EIF4E2: variants seen among roughly 807,000 people sequenced by gnomAD.
EIF4E2 encodes the protein eukaryotic translation initiation factor 4E type 2.
A neutral mutation model predicts 34.2 loss-of-function variants in EIF4E2; 13 were observed. That is an observed-to-expected ratio of 0.38 (90% CI 0.25 to 0.60). The LOEUF (loss-of-function observed/expected upper bound fraction) is 0.60, where lower values mean the gene tolerates loss of function less well. EIF4E2 is among the 20% of genes least tolerant of loss of function. EIF4E2 has a pLI of 0.62. For missense variants in EIF4E2, 222 were observed against 315.1 expected, an observed-to-expected ratio of 0.70 and a Z score of 2.24; for synonymous variants, 100 against 106.6, an observed-to-expected ratio of 0.94 and a Z score of 0.38.
At position 232,568,977 on chromosome 2, in the gene EIF4E2, T is replaced by C. The variant is rs1559320411; in HGVS notation, c.698T>C (p.Leu233Pro). ...MPGRLGPQRL[L>P]FQNLWKPRLN... is the part of the protein sequence containing the mutation. ...GGCAGGCTGGGCCCCCAAAGGCTCC[T>C]TTTTCAAAACCTCTGGAAGCCGCGG... Residue 233 changes from leucine (L) to proline (P), a missense_variant, in exon 7 of 7, where the codon CTT becomes CCT. Leu to Pro is a moderately conservative substitution (Grantham distance 98, BLOSUM62 -3). Coordinates refer to ENST00000258416, the MANE Select transcript of EIF4E2 (RefSeq NM_004846.4). 6.2e-7 allele frequency: 1 copy of C among 1,614,106 alleles called. No homozygotes were observed. Among genetic ancestry groups the C allele is most frequent in the Non-Finnish European group, 8.5e-7 (1 of 1,180,048 alleles).
intron 4 of EIF4E2, among the ~76,000 whole-genome samples, 163 bp downstream of exon 4, chr2:232,564,514 G>C (rs950506792): frequency 6.6e-6 from 1 of 152,168 alleles, no homozygotes; most frequent in Non-Finnish European, 1.5e-5. Flanking sequence ...GCAGTGGCGC[G>C]ATCTCGGCTC....
At position 232,581,385 on chromosome 2, in the gene EIF4E2, A is replaced by C; in HGVS notation, c.*442A>C. The C allele has an allele frequency of 3.0e-6, 1 of 336,294 alleles. No individual in the cohort carries two copies. Among genetic ancestry groups the C allele is most frequent in the South Asian group, 2.4e-5 (1 of 42,228 alleles). 20.8% of individuals were successfully genotyped at this position (336,294 alleles called of 1,614,324 possible). A position where few individuals can be genotyped will look rare whatever the true frequency, so the allele number is the denominator to read the frequency against. Reference sequence around the variant, plus strand: ...TGTTGGAGAGTCCCAAAATAGCTGTAAATGCTCTCTTCTAGCTCTGCCATT... The same window carrying C: ...TGTTGGAGAGTCCCAAAATAGCTGTCAATGCTCTCTTCTAGCTCTGCCATT... On this transcript the variant is annotated 3_prime_UTR_variant, in exon 7 of 7. Coordinates refer to the EIF4E2 transcript ENST00000409098. This position sits in a 1 kb window ranked among gnomAD's most constrained non-coding sequence, Gnocchi z 5.2.
At chr2:232,577,267 A>G (rs940265001) in intron 6 of EIF4E2, among the ~76,000 whole-genome samples, 1 of 152,230 alleles carries the variant, frequency 6.6e-6, no homozygotes, top group African/African-American at 2.4e-5. Context: ...CTAATGGCCA[A>G]AGAATGTTCT....
chr2:232,574,260 C>T (rs1294763979), intron 6 of EIF4E2: 1 of 1,550,544 alleles, frequency 6.4e-7, no homozygotes, highest in Non-Finnish European at 8.7e-7. Context: ...TCTGGTTTGC[C>T]AGGGCCTGGG....
At chr2:232,576,064 C>T (rs548166028) in intron 6 of EIF4E2, among the ~76,000 whole-genome samples, 21 of 151,980 alleles carry the variant, frequency 1.4e-4, no homozygotes, top group East Asian at 7.8e-4. Context: ...ATTAGCTGGG[C>T]GTGGTGGCAC....
chr2:232,580,738 G>A (rs570745144), intron 6 of EIF4E2, among the ~76,000 whole-genome samples: 39 of 152,312 alleles, frequency 2.6e-4, no homozygotes, highest in African/African-American at 8.4e-4. Flanking sequence ...AAGGGACTTG[G>A]GAGGTGGGTT....
chr2:232,565,949 G>A (rs901155565), intron 4 of EIF4E2, among the ~76,000 whole-genome samples: 7 of 151,278 alleles, frequency 4.6e-5, no homozygotes, highest in East Asian at 2.0e-4. Context: ...ATAATTAGCC[G>A]GGTGTGGTGG....
exon 7 of EIF4E2, chr2:232,582,962 G>A (rs1001505588): frequency 2.0e-5 from 3 of 152,176 alleles, no homozygotes; most frequent in Non-Finnish European, 4.4e-5. Context: ...ATGCCTGTTA[G>A]GCAGCATCTT....
intron 6 of EIF4E2, among the ~76,000 whole-genome samples, chr2:232,577,132 G>A (rs1298872745): frequency 6.6e-6 from 1 of 152,226 alleles, no homozygotes; most frequent in Non-Finnish European, 1.5e-5. Flanking sequence ...GGGAAATGAA[G>A]TTGGAATAAA....
At chr2:232,567,339 C>T in intron 6 of EIF4E2, 125 bp downstream of exon 6, 1 of 1,488,382 alleles carries the variant, frequency 6.7e-7, no homozygotes, top group South Asian at 1.4e-5. Flanking sequence ...ACCAGGCCTT[C>T]CCTCTAGGGC....
At chr2:232,580,777 A>G (rs1693332863) in intron 6 of EIF4E2, 1 of 814,880 alleles carries the variant, frequency 1.2e-6, no homozygotes, top group Non-Finnish European at 1.9e-6. Context: ...TGGCAAGTGA[A>G]GAAGGCCCCG....
chr2:232,555,463 T>C (rs1215770732), intron 1 of EIF4E2, among the ~76,000 whole-genome samples: 1 of 152,240 alleles, frequency 6.6e-6, no homozygotes, highest in African/African-American at 2.4e-5. Context: ...GAAAGGGTAA[T>C]CCCTAAAGTT....
intron 3 of EIF4E2, 81 bp downstream of exon 3, chr2:232,558,099 A>G (rs1692588677): frequency 7.2e-6 from 11 of 1,534,352 alleles, no homozygotes; most frequent in Non-Finnish European, 8.8e-7. Flanking sequence ...TTACTTTCCT[A>G]GTAACCTATT....
At chr2:232,560,334 T>C (rs796794352) in intron 3 of EIF4E2, among the ~76,000 whole-genome samples, 3 of 152,346 alleles carry the variant, frequency 2.0e-5, no homozygotes, top group African/African-American at 7.2e-5. Flanking sequence ...CCTGACACCA[T>C]ACACAAAAAG....
chr2:232,552,344 C>T (rs539731054), intron 1 of EIF4E2, among the ~76,000 whole-genome samples: 2 of 152,082 alleles, frequency 1.3e-5, no homozygotes, highest in Admixed American at 6.6e-5. Context: ...CCAGAGTAGC[C>T]GGACTACAGG....
chr2:232,576,021 T>C (rs1230772019), intron 6 of EIF4E2, among the ~76,000 whole-genome samples: 2 of 152,098 alleles, frequency 1.3e-5, no homozygotes. Context: ...CTGGCCAACA[T>C]GGTGAAACCC....
Position 232,581,110 on chromosome 2 carries a change from G to A in EIF4E2, c.*167G>A, listed in dbSNP as rs1387240464. The stretch of plus-strand genomic sequence containing the variant: ...GACGGATTCCGCTAGACACCCTCCA[G>A]CATCGCTGACTTTATAAAGCGGAAA... On this transcript the variant is annotated 3_prime_UTR_variant, in exon 7 of 7. Transcript: ENST00000409098. This position sits in a 1 kb window ranked among gnomAD's most constrained non-coding sequence, Gnocchi z 5.2. 1.3e-6 allele frequency: 1 copy of A among 749,908 alleles called. No individual in the cohort carries two copies. Among genetic ancestry groups the A allele is most frequent in the African/African-American group, 1.7e-5 (1 of 57,882 alleles). 46.5% of individuals were successfully genotyped at this position (749,908 alleles called of 1,614,324 possible). A position where few individuals can be genotyped will look rare whatever the true frequency, so the allele number is the denominator to read the frequency against.
intron 1 of EIF4E2, chr2:232,551,358 C>T (rs12617942): frequency 0.095 from 43,519 of 456,674 alleles, 2,650 homozygotes; most frequent in African/African-American, 0.23. Context: ...ACTTGTTGCC[C>T]TCTCCTGCCC....
At chr2:232,550,890 G>A in intron 1 of EIF4E2, 146 bp downstream of exon 1, 1 of 819,736 alleles carries the variant, frequency 1.2e-6, no homozygotes, top group Non-Finnish European at 1.9e-6. Flanking sequence ...TGGACTGGCG[G>A]GGAGGAGGGG....
Sources: gnomAD v4.1 joint callset for allele counts (sites outside exome capture counted in the v4.1 genomes callset) on GRCh38, gnomAD v4.1.1 for gene constraint, Gnocchi (gnomAD v3.1) non-coding constraint, MANE v1.5 for transcripts, NCBI Gene and HGNC (gene_info 2026-07-23, HGNC 2026-07-21) for gene names.